Variants in DPP10 observed in about 807,000 individuals in gnomAD.
DPP10 encodes inactive dipeptidyl peptidase 10.
DPP10 carries 33 observed loss-of-function variants against 120.9 expected under a neutral mutation model. The ratio of observed to expected loss-of-function variants is 0.27; its 90% CI spans 0.21 to 0.37. The LOEUF (loss-of-function observed/expected upper bound fraction) is 0.37, where lower values mean the gene tolerates loss of function less well. Among genes scored for constraint, DPP10 ranks in the 10% least tolerant of loss-of-function variants. The probability of loss-of-function intolerance (pLI) is 1.00; values close to 1 mark genes in which losing one functional copy is unlikely to be tolerated. For missense variants in DPP10, 816 were observed against 942.8 expected (o/e 0.87, Z 1.76); for synonymous variants, 337 against 326.1 (o/e 1.03, Z -0.36).
At chr2:114,850,827 C>T (rs1688892759) in intron 1 of DPP10, among the ~76,000 whole-genome samples, 1 of 152,138 alleles carries the variant, frequency 6.6e-6, no homozygotes, top group Admixed American at 6.5e-5. Context: ...CTGTTTACTG[C>T]ATTTAGTCTT....
intron 3 of DPP10, among the ~76,000 whole-genome samples, chr2:115,476,081 C>T (rs889093847): frequency 3.3e-5 from 5 of 152,092 alleles, no homozygotes; most frequent in African/African-American, 9.7e-5. Flanking sequence ...GTAAGAGAGC[C>T]ATGAGATTTG....
At chr2:115,162,395 C>T (rs528978531) in intron 1 of DPP10, 79 of 1,291,042 alleles carry the variant, frequency 6.1e-5, no homozygotes, top group Non-Finnish European at 7.4e-5. Flanking sequence ...AAATCTGCTG[C>T]GCTCCTGACG....
At chr2:115,727,672 TA>T in intron 7 of DPP10, 143 bp from the exon 8 acceptor site, 1 of 859,432 alleles carries the variant, frequency 1.2e-6, no homozygotes, top group Non-Finnish European at 1.6e-6. Context: ...TTGAAAGCAA[TA>T]AAAACATATG....
At chr2:115,446,559 A>G (rs2072610262) in intron 3 of DPP10, among the ~76,000 whole-genome samples, 1 of 58,170 alleles carries the variant, frequency 1.7e-5, no homozygotes, top group Admixed American at 2.6e-4. Context: ...GACTAAGAGT[A>G]TTTAAGGATT....
intron 1 of DPP10, among the ~76,000 whole-genome samples, chr2:114,860,560 T>C (rs995930479): frequency 1.3e-5 from 2 of 152,222 alleles, no homozygotes; most frequent in Admixed American, 6.5e-5. Context: ...ATATATTTGA[T>C]CTTAATGTCA....
intron 1 of DPP10, among the ~76,000 whole-genome samples, chr2:114,695,590 C>A (rs528237991): frequency 3.3e-5 from 5 of 152,182 alleles, no homozygotes; most frequent in African/African-American, 1.2e-4. Flanking sequence ...TTTTCCATAA[C>A]AACACAGTGA....
chr2:114,742,718 C>T (rs1490832187), intron 1 of DPP10, among the ~76,000 whole-genome samples: 3 of 152,156 alleles, frequency 2.0e-5, no homozygotes, highest in Admixed American at 2.0e-4. Flanking sequence ...TACTGGTGAT[C>T]GAACAGCAAC....
chr2:114,984,623 C>CTAAA (rs1382240949), intron 1 of DPP10, among the ~76,000 whole-genome samples: 3 of 151,978 alleles, frequency 2.0e-5, no homozygotes, highest in East Asian at 1.9e-4. Context: ...AAAAACCTGT[C>CTAAA]TAAATAAATA....
chr2:114,567,174 A>T (rs531035287), intron 1 of DPP10, among the ~76,000 whole-genome samples: 1 of 152,270 alleles, frequency 6.6e-6, no homozygotes, highest in East Asian at 1.9e-4. Flanking sequence ...ATTTCTTATA[A>T]ACACCCTTAT....
intron 1 of DPP10, among the ~76,000 whole-genome samples, chr2:115,118,485 A>G (rs2049644560): frequency 6.6e-6 from 1 of 152,168 alleles, no homozygotes; most frequent in African/African-American, 2.4e-5. Flanking sequence ...AGCACTCAAT[A>G]CTTGCCTAAC....
intron 1 of DPP10, among the ~76,000 whole-genome samples, chr2:115,062,128 C>T (rs946567343): frequency 7.0e-6 from 1 of 143,880 alleles, no homozygotes. Context: ...GATTACAGTT[C>T]TGTGTGTGTG....
intron 1 of DPP10, among the ~76,000 whole-genome samples, chr2:114,804,423 A>G (rs1191508243): frequency 6.6e-6 from 1 of 152,160 alleles, no homozygotes; most frequent in Non-Finnish European, 1.5e-5. Context: ...TGGTAGATCC[A>G]CCAACAGCTT....
At position 115,030,258 on chromosome 2, in the gene DPP10, G is replaced by A. The variant is rs148431581; in HGVS notation, c.61-278981G>A. Among the ~76,000 whole-genome samples the A allele has an allele frequency of 7.2e-3, 1,096 of 151,614 alleles. 8 individuals carry two copies. Among genetic ancestry groups the A allele is most frequent in the Non-Finnish European group, 0.012 (809 of 67,864 alleles). On this transcript the variant is annotated intron_variant, in intron 1 of 25. Coordinates refer to ENST00000410059, the MANE Select transcript of DPP10 (RefSeq NM_020868.6). The stretch of plus-strand genomic sequence containing the variant: ...AATTGATGTTTGATACATTTTATTT[G>A]GTTTCTTACTTTGGTTTTCATTTTG...
chr2:115,055,454 A>G (rs1705824997), intron 1 of DPP10, among the ~76,000 whole-genome samples: 1 of 152,172 alleles, frequency 6.6e-6, no homozygotes, highest in South Asian at 2.1e-4. Context: ...CTTTGTTTGA[A>G]AAAGTGGTAG....
At chr2:114,483,926 T>A (rs777866569) in intron 1 of DPP10, among the ~76,000 whole-genome samples, 2 of 152,196 alleles carry the variant, frequency 1.3e-5, no homozygotes, top group African/African-American at 2.4e-5. Flanking sequence ...CATTTTGTCA[T>A]ACTCCCCATC....
chr2:115,138,875 A>G (rs2050779157), intron 1 of DPP10, among the ~76,000 whole-genome samples: 1 of 152,150 alleles, frequency 6.6e-6, no homozygotes, highest in African/African-American at 2.4e-5. Flanking sequence ...ATTTATGTGT[A>G]TTTCCTTGAT....
At chr2:115,805,574 C>CTTTTTTT (rs1559178533) in intron 19 of DPP10, among the ~76,000 whole-genome samples, 1 of 145,918 alleles carries the variant, frequency 6.9e-6, no homozygotes, top group African/African-American at 2.6e-5. Flanking sequence ...TCTTGGCTCC[C>CTTTTTTT]ATTTTTTTTT....
At chr2:115,640,511 T>C (rs773976849) in intron 5 of DPP10, among the ~76,000 whole-genome samples, 3 of 152,064 alleles carry the variant, frequency 2.0e-5, no homozygotes, top group Non-Finnish European at 4.4e-5. Context: ...ATGGAATTAA[T>C]TTTACAGTTA....
chr2:114,834,889 T>A (rs9798062), intron 1 of DPP10, among the ~76,000 whole-genome samples: 59,629 of 126,016 alleles, frequency 0.47, 16,216 homozygotes, highest in South Asian at 0.61. Flanking sequence ...CACAACTATG[T>A]ATATATAAGC....
Sources: gnomAD v4.1 joint callset for allele counts (sites outside exome capture counted in the v4.1 genomes callset) on GRCh38, gnomAD v4.1.1 for gene constraint, MANE v1.5 for transcripts, NCBI Gene and HGNC (gene_info 2026-07-23, HGNC 2026-07-21) for gene names.